Variants in ADGRL3 observed in about 807,000 individuals in gnomAD.
The protein encoded by ADGRL3 is calcium-independent alpha-latrotoxin receptor 3.
ADGRL3 carries 62 observed loss-of-function variants against 153.5 expected under a neutral mutation model. The ratio of observed to expected loss-of-function variants is 0.40; its 90% CI spans 0.33 to 0.50. The LOEUF (loss-of-function observed/expected upper bound fraction) is 0.50. ADGRL3 is among the 20% of genes least tolerant of loss of function. ADGRL3 has a pLI of 0.47. For synonymous variants in ADGRL3, 710 were observed against 672.5 expected, an observed-to-expected ratio of 1.06 and a Z score of -0.86; for missense variants, 1,641 against 1,859.4, an observed-to-expected ratio of 0.88 and a Z score of 2.16.
chr4:61,370,826 G>A (rs965957704), intron 1 of ADGRL3, among the ~76,000 whole-genome samples: 1 of 152,108 alleles, frequency 6.6e-6, no homozygotes, highest in Non-Finnish European at 1.5e-5. Context: ...TATTGACAGT[G>A]GGATGTTAAA....
chr4:61,980,306 ATTTTT>A (rs756680977), intron 18 of ADGRL3, among the ~76,000 whole-genome samples: 1 of 74,430 alleles, frequency 1.3e-5, no homozygotes, highest in Non-Finnish European at 2.5e-5. Flanking sequence ...GTAACCACTA[ATTTTT>A]TTTTTTTTTT....
At chr4:61,415,893 A>T (rs1056896419) in intron 2 of ADGRL3, among the ~76,000 whole-genome samples, 1 of 152,082 alleles carries the variant, frequency 6.6e-6, no homozygotes, top group Non-Finnish European at 1.5e-5. Context: ...ATTTTTTCCA[A>T]GTCCTGACAC....
At chr4:61,815,800 C>A (rs985137848) in intron 9 of ADGRL3, among the ~76,000 whole-genome samples, 1 of 152,122 alleles carries the variant, frequency 6.6e-6, no homozygotes, top group African/African-American at 2.4e-5. Flanking sequence ...TGCTCTTAGG[C>A]CTTTTGCAAT....
chr4:61,349,472 A>G (rs2095995808), intron 1 of ADGRL3, among the ~76,000 whole-genome samples: 1 of 152,094 alleles, frequency 6.6e-6, no homozygotes, highest in African/African-American at 2.4e-5. Context: ...TTATTTTAGC[A>G]ATAAATCTCT....
In ADGRL3 at chr4:61,643,327, T is replaced by A. The variant is rs895695358; in HGVS notation, c.474-33499T>A. Among the ~76,000 whole-genome samples the A allele has an allele frequency of 8.4e-4, 128 of 152,098 alleles. 1 individual carries two copies. The East Asian group carries it at 0.012, about 15-fold the overall frequency. On this transcript the variant is annotated intron_variant, in intron 5 of 26. Transcript: ENST00000683033. ...CTGGCCAGAACTTCCAACACTATGT[T>A]GAGTAGGAGTGGTGAGAGAGGGCAT...
intron 6 of ADGRL3, among the ~76,000 whole-genome samples, chr4:61,699,963 C>CAA (rs1159691978): frequency 2.0e-5 from 3 of 149,572 alleles, no homozygotes; most frequent in East Asian, 2.0e-4. Context: ...CACACACACA[C>CAA]ACACAAAAAC....
intron 17 of ADGRL3, among the ~76,000 whole-genome samples, chr4:61,956,414 T>G (rs2098966722): frequency 6.6e-6 from 1 of 152,192 alleles, no homozygotes; most frequent in Non-Finnish European, 1.5e-5. Context: ...TTGTTTAAGT[T>G]TCATGTAAAT....
At chr4:61,595,173 G>C (rs986381266) in intron 5 of ADGRL3, among the ~76,000 whole-genome samples, 1 of 152,154 alleles carries the variant, frequency 6.6e-6, no homozygotes, top group African/African-American at 2.4e-5. Flanking sequence ...CTGTGGCTGA[G>C]CTGATAGCTG....
intron 2 of ADGRL3, among the ~76,000 whole-genome samples, chr4:61,425,633 C>A (rs557408275): frequency 3.3e-5 from 5 of 152,330 alleles, no homozygotes; most frequent in Middle Eastern, 3.4e-3. Context: ...GGTGGTGCTC[C>A]CCATGGTTCC....
rs979968539 is a variant in ADGRL3, at chr4:62,070,586, C to T, written c.4310C>T (p.Thr1437Ile). The change falls in exon 27 of 27, where the codon ACC (threonine) becomes ATC (isoleucine). Residue 1437 changes from threonine (T) to isoleucine (I), a missense_variant. This residue lies in a region of ADGRL3 where 517 missense variants were observed against 555.0 expected (regional missense o/e 0.93). Transcript: ENST00000683033. ...AGTGAGAGCTTTTTCCCTTTGCTAA[C>T]CAACGAGCACACAGAAGATCTCCAG... ...DHSESFFPLL[T>I]NEHTEDLQSP... 2.6e-6 allele frequency: 4 copies of T among 1,551,658 alleles called. No individual in the cohort carries two copies. The highest frequency in any genetic ancestry group is 3.5e-6 in the Non-Finnish European group (4 of 1,147,044).
chr4:61,364,933 C>T (rs2096367534), intron 1 of ADGRL3, among the ~76,000 whole-genome samples: 1 of 152,126 alleles, frequency 6.6e-6, no homozygotes, highest in African/African-American at 2.4e-5. Flanking sequence ...TAATTCAGTG[C>T]TCATATTCTT....
In ADGRL3 at chr4:61,245,137, G is replaced by T. The variant is rs556656853; in HGVS notation, c.-240+43372G>T. ...TTCTCTCTGAAGCACATTCAATTTT[G>T]CTGTCTTTACTTCTGCTTCCATTGC... is the stretch of plus-strand genomic sequence containing the variant. On this transcript the variant is annotated intron_variant, in intron 1 of 26. Transcript: ENST00000683033. 6.5e-4 allele frequency among the ~76,000 whole-genome samples: 99 copies of T among 152,044 alleles called. 1 individual carries two copies. Among genetic ancestry groups the T allele is most frequent in the African/African-American group, 2.3e-3 (95 of 41,516 alleles).
rs370772886 is a variant in ADGRL3 at position 61,922,473 on chromosome 4, A to G, written c.2112+9716A>G. On this transcript the variant is annotated intron_variant, in intron 13 of 26. Transcript: ENST00000683033. The stretch of plus-strand genomic sequence containing the variant: ...TAATAATTAATGAACCAATGTTAAT[A>G]TATTATCATTAACTGAAGTCCACAG... 4.6e-5 allele frequency among the ~76,000 whole-genome samples: 7 copies of G among 152,274 alleles called. No individual in the cohort carries two copies. The East Asian group carries it at 7.7e-4, about 17-fold the overall frequency.
intron 1 of ADGRL3, among the ~76,000 whole-genome samples, chr4:61,367,137 C>T (rs2151609860): frequency 6.6e-6 from 1 of 152,070 alleles, no homozygotes; most frequent in African/African-American, 2.4e-5. Context: ...TAAAAAGCTG[C>T]TGTCTGTTAG....
intron 3 of ADGRL3, among the ~76,000 whole-genome samples, chr4:61,509,036 C>T (rs907678614): frequency 6.6e-6 from 1 of 151,714 alleles, no homozygotes. Flanking sequence ...AACGATCCCA[C>T]GGGTTCCATC....
chr4:61,636,800 C>G (rs905171797), intron 5 of ADGRL3, among the ~76,000 whole-genome samples: 2 of 150,630 alleles, frequency 1.3e-5, no homozygotes, highest in African/African-American at 4.9e-5. Flanking sequence ...GATGTATATA[C>G]ATAAATATTT....
intron 19 of ADGRL3, among the ~76,000 whole-genome samples, chr4:61,991,734 C>A (rs1581777625): frequency 6.6e-6 from 1 of 151,642 alleles, no homozygotes; most frequent in East Asian, 1.9e-4. Context: ...TAAAAAAATT[C>A]CTAACAATCA....
intron 2 of ADGRL3, among the ~76,000 whole-genome samples, chr4:61,399,863 T>C (rs962811947): frequency 2.0e-5 from 3 of 151,738 alleles, no homozygotes; most frequent in African/African-American, 7.2e-5. Context: ...GATGTTAAGG[T>C]AGACAAGAAA....
At chr4:62,042,657 T>C (rs895306895) in intron 24 of ADGRL3, among the ~76,000 whole-genome samples, 1 of 152,030 alleles carries the variant, frequency 6.6e-6, no homozygotes, top group Non-Finnish European at 1.5e-5. Context: ...AACTCCTAGA[T>C]AAAATGTTAC....
Sources: allele counts gnomAD v4.1 joint callset (sites outside exome capture counted in the v4.1 genomes callset), GRCh38; gene constraint gnomAD v4.1.1; regional missense constraint gnomAD v4.1.1; transcripts MANE v1.5; gene names NCBI Gene and HGNC (gene_info 2026-07-23, HGNC 2026-07-21).